RC3H1: variants seen among roughly 807,000 people sequenced by gnomAD.
RC3H1 encodes the protein ring finger and CCCH-type domains 1, also known as roquin-1.
RC3H1 carries 50 observed loss-of-function variants against 138.2 expected under a neutral mutation model. That is an observed-to-expected ratio of 0.36 (90% confidence interval 0.29 to 0.46). The LOEUF (loss-of-function observed/expected upper bound fraction) is 0.46, where lower values mean the gene tolerates loss of function less well. RC3H1 is among the 20% of genes least tolerant of loss of function. The probability of loss-of-function intolerance (pLI) is 1.00; values close to 1 mark genes in which losing one functional copy is unlikely to be tolerated. For missense variants in RC3H1, 1,031 were observed against 1,388.1 expected (o/e 0.74, Z 4.09); for synonymous variants, 462 against 489.1 (o/e 0.94, Z 0.73).
At position 173,944,748 on chromosome 1, in the gene RC3H1, G is replaced by C. The variant is rs964180984; in HGVS notation, c.2962-1133C>G. Among the ~76,000 whole-genome samples the C allele has an allele frequency of 5.3e-5, 8 of 152,224 alleles. No individual in the cohort carries two copies. The South Asian group carries it at 1.0e-3, about 20-fold the overall frequency. On this transcript the variant is annotated intron_variant, in intron 17 of 19. Transcript: ENST00000367696. ...TTCTGAATCAATGTAAATAAGCAAT[G>C]GCGAAAGCAGACAAAATCTAAGTAT...
intron 13 of RC3H1, among the ~76,000 whole-genome samples, chr1:173,953,825 G>T (rs1659520712): frequency 6.6e-6 from 1 of 152,018 alleles, no homozygotes; most frequent in Non-Finnish European, 1.5e-5. Flanking sequence ...GACCACCTGA[G>T]GTCGGGAGTT....
rs546609475 is a variant in RC3H1, at chr1:173,955,118, C to A, written c.2371-2980G>T. The stretch of plus-strand genomic sequence containing the variant: ...GCGGGCGCCTGTAATCCCAGCTACT[C>A]GGGAGGCTGAGGCGGGAGAATCGCT... On this transcript the variant is annotated intron_variant, in intron 13 of 19. Coordinates refer to ENST00000367696, the MANE Select transcript of RC3H1 (RefSeq NM_172071.4). Among the ~76,000 whole-genome samples, 216 of 145,492 alleles carry A rather than the reference C, an allele frequency of 1.5e-3. 1 individual carries two copies. Among genetic ancestry groups the A allele is most frequent in the African/African-American group, 5.0e-3 (198 of 39,464 alleles).
chr1:173,946,709 T>C, intron 16 of RC3H1, 37 bp downstream of exon 16: 1 of 1,600,734 alleles, frequency 6.2e-7, no homozygotes, highest in Non-Finnish European at 8.6e-7. Context: ...TTTAAAGGTT[T>C]CTACATGTTT....
At chr1:173,956,519 C>T (rs1357048236) in intron 13 of RC3H1, among the ~76,000 whole-genome samples, 4 of 151,676 alleles carry the variant, frequency 2.6e-5, no homozygotes, top group Admixed American at 6.6e-5. Flanking sequence ...ATTAGCTGGG[C>T]GTGGTGGTGC....
rs1658397996 is a variant in RC3H1 at position 173,931,983 on chromosome 1, T to C, written c.*6738A>G. The C allele has an allele frequency of 6.6e-6, 1 of 151,006 alleles. No homozygotes were observed. Among genetic ancestry groups the C allele is most frequent in the Non-Finnish European group, 1.5e-5 (1 of 67,694 alleles). 9.4% of individuals were successfully genotyped at this position (151,006 alleles called of 1,614,324 possible). On this transcript the variant is annotated 3_prime_UTR_variant, in exon 20 of 20. Transcript: ENST00000367696. The stretch of plus-strand genomic sequence containing the variant: ...CTGTGGCAATAAAAAAACAAAAAAA[T>C]GCAAGAAAACTTTAAAAAATGGTAA...
chr1:173,949,526 G>A (rs938547649), intron 14 of RC3H1, among the ~76,000 whole-genome samples: 1 of 151,932 alleles, frequency 6.6e-6, no homozygotes, highest in African/African-American at 2.4e-5. Flanking sequence ...CTGCTACCAT[G>A]CCCAGCTAAT....
chr1:173,943,229 C>T (rs909489723), intron 18 of RC3H1, among the ~76,000 whole-genome samples: 9 of 152,024 alleles, frequency 5.9e-5, no homozygotes, highest in Non-Finnish European at 8.8e-5. Flanking sequence ...TAAAAGTTAA[C>T]GAAGAATTAT....
chr1:173,953,042 C>G (rs1571180851), intron 13 of RC3H1, among the ~76,000 whole-genome samples: 1 of 152,130 alleles, frequency 6.6e-6, no homozygotes, highest in African/African-American at 2.4e-5. Flanking sequence ...TCCCGCTATA[C>G]TAAAAACATC....
At chr1:173,947,625 G>T in intron 14 of RC3H1, 43 bp from the exon 15 acceptor site, 2 of 1,479,692 alleles carry the variant, frequency 1.4e-6, no homozygotes, top group Non-Finnish European at 9.4e-7. Context: ...CACTCAGATC[G>T]CTCTGTAACC....
At chr1:173,961,047 GA>G in intron 13 of RC3H1, 29 bp downstream of exon 13, 1 of 1,605,240 alleles carries the variant, frequency 6.2e-7, no homozygotes, top group Middle Eastern at 1.7e-4. Context: ...AAAAAACACG[GA>G]TAAATGAGAC....
rs765949686 is a variant in RC3H1, at chr1:173,947,405, G to A, written c.2701C>T (p.Pro901Ser). ...ATAGATTTTGTAGGAGCTCCCTGAGGTGCCATAGCCTGCATTGGACCAGCA... is the reference window on the plus strand; with the variant it reads ...ATAGATTTTGTAGGAGCTCCCTGAGATGCCATAGCCTGCATTGGACCAGCA... ...QGAGPMQAMAPQGAPTKSINI... is the reference protein window; with the variant it reads ...QGAGPMQAMASQGAPTKSINI... Residue 901 changes from proline (P) to serine (S), a missense_variant, in exon 15 of 20, where the codon CCT becomes TCT. This residue lies in a region of RC3H1 where 716 missense variants were observed against 837.9 expected (regional missense o/e 0.85). Transcript: ENST00000367696. 43 of 1,613,810 alleles carry A rather than the reference G, an allele frequency of 2.7e-5. No homozygotes were observed. The highest frequency in any genetic ancestry group is 4.0e-5 in the African/African-American group (3 of 74,878).
chr1:173,985,830 T>C (rs1257439815), intron 2 of RC3H1, among the ~76,000 whole-genome samples: 1 of 152,204 alleles, frequency 6.6e-6, no homozygotes, highest in African/African-American at 2.4e-5. Flanking sequence ...ATTTCCCTGA[T>C]AGCTAATGAT....
chr1:173,961,395 CA>C, intron 12 of RC3H1, 151 bp from the exon 13 acceptor site: 1 of 670,286 alleles, frequency 1.5e-6, no homozygotes, highest in Non-Finnish European at 2.3e-6. Context: ...CAAAGTAAAA[CA>C]AAACCCCCCA....
chr1:173,945,869 G>A (rs1436851824), intron 17 of RC3H1, among the ~76,000 whole-genome samples: 1 of 151,756 alleles, frequency 6.6e-6, no homozygotes, highest in East Asian at 1.9e-4. Flanking sequence ...CACCATGCCC[G>A]GCTAATTTTT....
chr1:173,984,765 A>T, intron 2 of RC3H1, 146 bp from the exon 3 acceptor site: 1 of 799,466 alleles, frequency 1.3e-6, no homozygotes, highest in African/African-American at 1.7e-5. Flanking sequence ...CTTTCCTATT[A>T]ACATGTATCT....
At chr1:174,008,493 A>G (rs535014295) in intron 1 of RC3H1, among the ~76,000 whole-genome samples, 22 of 152,132 alleles carry the variant, frequency 1.4e-4, no homozygotes, top group Non-Finnish European at 2.5e-4. Flanking sequence ...GAGCTGATTC[A>G]TTTTCCATTT....
intron 14 of RC3H1, among the ~76,000 whole-genome samples, chr1:173,951,521 T>G (rs1294746422): frequency 3.3e-5 from 5 of 152,090 alleles, no homozygotes; most frequent in Non-Finnish European, 5.9e-5. Flanking sequence ...CTTTGTTATT[T>G]AAACTTCAGA....
chr1:174,009,771 G>A (rs1331409455), intron 1 of RC3H1, among the ~76,000 whole-genome samples: 1 of 152,204 alleles, frequency 6.6e-6, no homozygotes, highest in Non-Finnish European at 1.5e-5. Context: ...CCGGGAGGCA[G>A]AGGTTGCAGT....
chr1:173,954,531 T>A (rs1411692391), intron 13 of RC3H1, among the ~76,000 whole-genome samples: 1 of 152,246 alleles, frequency 6.6e-6, no homozygotes, highest in Non-Finnish European at 1.5e-5. Context: ...GTACAGTTAA[T>A]AATTTACTAT....
Sources: gnomAD v4.1 joint callset for allele counts (sites outside exome capture counted in the v4.1 genomes callset) on GRCh38, gnomAD v4.1.1 for gene constraint, gnomAD v4.1.1 regional missense constraint, MANE v1.5 for transcripts, NCBI Gene and HGNC (gene_info 2026-07-23, HGNC 2026-07-21) for gene names.